Variants in RNF144A observed in about 807,000 individuals in gnomAD.
RNF144A encodes ring finger protein 144A.
A neutral mutation model predicts 38.7 loss-of-function variants in RNF144A; 11 were observed. That is an observed-to-expected ratio of 0.28 (90% CI 0.18 to 0.47). The LOEUF (loss-of-function observed/expected upper bound fraction) is 0.47. RNF144A is among the 20% of genes least tolerant of loss of function. The pLI is 0.99. For synonymous variants in RNF144A, 149 were observed against 143.9 expected, an observed-to-expected ratio of 1.04 and a Z score of -0.25; for missense variants, 316 against 377.2, an observed-to-expected ratio of 0.84 and a Z score of 1.34.
At chr2:7,001,955 G>A (rs189596939) in intron 3 of RNF144A, among the ~76,000 whole-genome samples, 160 of 152,282 alleles carry the variant, frequency 1.1e-3, no homozygotes, top group Admixed American at 2.3e-3. Context: ...CAAATTAAAT[G>A]GGGCAATGGG....
At chr2:7,061,936 G>A (rs1673972361) in intron 6 of RNF144A, among the ~76,000 whole-genome samples, 1 of 152,184 alleles carries the variant, frequency 6.6e-6, no homozygotes, top group Non-Finnish European at 1.5e-5. Context: ...AAGAGATGAT[G>A]TGTGAGTTTG....
chr2:7,009,107 A>G (rs1375569372), intron 3 of RNF144A, among the ~76,000 whole-genome samples: 1 of 152,196 alleles, frequency 6.6e-6, no homozygotes, highest in Non-Finnish European at 1.5e-5. Flanking sequence ...CTCACCCTCC[A>G]CATGGGTGAC....
intron 3 of RNF144A, among the ~76,000 whole-genome samples, chr2:7,013,635 C>T (rs1670955128): frequency 6.6e-6 from 1 of 152,196 alleles, no homozygotes; most frequent in South Asian, 2.1e-4. Context: ...GTGAGCCTAG[C>T]TGGCAAAGGC....
intron 2 of RNF144A, among the ~76,000 whole-genome samples, chr2:6,945,494 C>T (rs1334753213): frequency 3.3e-5 from 5 of 152,162 alleles, no homozygotes; most frequent in Non-Finnish European, 1.5e-5. Flanking sequence ...CTTCTCTGAG[C>T]CTTCCTGGTG....
intron 6 of RNF144A, among the ~76,000 whole-genome samples, chr2:7,055,825 A>G (rs1164554819): frequency 6.6e-6 from 1 of 152,184 alleles, no homozygotes; most frequent in East Asian, 1.9e-4. Context: ...CCACGGAGCA[A>G]AACTAGCACT....
chr2:6,972,091 T>C (rs1668032414), intron 2 of RNF144A, among the ~76,000 whole-genome samples: 1 of 152,076 alleles, frequency 6.6e-6, no homozygotes, highest in African/African-American at 2.4e-5. Context: ...TACAAGTAAC[T>C]TCAAATCAAG....
At chr2:7,038,414 G>T (rs1672819401) in intron 8 of RNF144A, among the ~76,000 whole-genome samples, 1 of 152,188 alleles carries the variant, frequency 6.6e-6, no homozygotes, top group East Asian at 1.9e-4. Flanking sequence ...CTTGTTATCA[G>T]TTGATTAGAT....
intron 1 of RNF144A, chr2:6,918,846 A>C: frequency 6.8e-6 from 1 of 147,604 alleles, no homozygotes; most frequent in East Asian, 2.0e-4. Context: ...GGGGTAACAG[A>C]GGAGTGAGGT....
chr2:6,980,268 A>C (rs1315626709), intron 2 of RNF144A, among the ~76,000 whole-genome samples: 1 of 152,182 alleles, frequency 6.6e-6, no homozygotes. Flanking sequence ...AGCCCCCCAG[A>C]GTCTTAACTC....
At chr2:6,991,905 C>G (rs1010137629) in intron 2 of RNF144A, among the ~76,000 whole-genome samples, 6 of 152,086 alleles carry the variant, frequency 3.9e-5, no homozygotes, top group Non-Finnish European at 8.8e-5. Context: ...AACATAGTTC[C>G]TACCCTTGAA....
rs555710431 is a variant in RNF144A, at chr2:6,962,658, CA to C, written c.-12+21512del. Among the ~76,000 whole-genome samples the C allele has an allele frequency of 8.2e-3, 1,255 of 152,344 alleles. 8 individuals are homozygous for C. The highest frequency in any genetic ancestry group is 0.015 in the Non-Finnish European group (995 of 68,028). Reference sequence around the variant, plus strand: ...TCACCGAAATAAGGAAAACTTCTAACACTTAGACAAGAAAATTAATAAAACA... The same window carrying C: ...TCACCGAAATAAGGAAAACTTCTAACCTTAGACAAGAAAATTAATAAAACA... On this transcript the variant is annotated intron_variant, in intron 2 of 8. Transcript: ENST00000320892. This position sits in a 1 kb window ranked among gnomAD's most constrained non-coding sequence, Gnocchi z 4.1.
chr2:6,922,391 C>T (rs1044574938), intron 1 of RNF144A, among the ~76,000 whole-genome samples: 3 of 152,166 alleles, frequency 2.0e-5, no homozygotes, highest in Non-Finnish European at 4.4e-5. Context: ...ATTGATTGAA[C>T]GGGCTTTTGT....
chr2:7,055,143 T>G (rs1278911068), intron 6 of RNF144A, among the ~76,000 whole-genome samples: 1 of 152,184 alleles, frequency 6.6e-6, no homozygotes, highest in African/African-American at 2.4e-5. Context: ...TTTCTGGCAA[T>G]TTTTTTCTCA....
At chr2:6,989,851 A>G (rs1396115797) in intron 2 of RNF144A, among the ~76,000 whole-genome samples, 1 of 152,088 alleles carries the variant, frequency 6.6e-6, no homozygotes, top group African/African-American at 2.4e-5. Context: ...AATTAGAATC[A>G]TACAGTAGAT....
At chr2:6,983,765 A>T (rs1668786691) in intron 2 of RNF144A, among the ~76,000 whole-genome samples, 1 of 152,116 alleles carries the variant, frequency 6.6e-6, no homozygotes, top group Admixed American at 6.5e-5. Flanking sequence ...TCCCACAGCC[A>T]TGCAAGCAAA....
intron 2 of RNF144A, among the ~76,000 whole-genome samples, chr2:6,950,927 T>C (rs1463508212): frequency 6.6e-6 from 1 of 152,218 alleles, no homozygotes; most frequent in African/African-American, 2.4e-5. Flanking sequence ...TTGTTTCAAG[T>C]GTTAAAAATA....
chr2:6,932,301 C>G (rs189950953), intron 1 of RNF144A, among the ~76,000 whole-genome samples: 197 of 152,190 alleles, frequency 1.3e-3, no homozygotes, highest in Middle Eastern at 3.4e-3. Flanking sequence ...CATGAATCTT[C>G]CTATTTGAAG....
At chr2:7,029,704 A>G (rs569602300) in intron 7 of RNF144A, among the ~76,000 whole-genome samples, 2 of 152,184 alleles carry the variant, frequency 1.3e-5, no homozygotes, top group African/African-American at 4.8e-5. Flanking sequence ...GGGCAGAGGG[A>G]CTCTGGTGGA....
chr2:7,040,149 T>G lies in RNF144A; in HGVS notation c.*389T>G, dbSNP rs1672959550. ...AGAGAAGTCTTTTAAGGACTGCCACTCTCTTCAGACAGAATCTGATTATTC... is the reference window on the plus strand; with the variant it reads ...AGAGAAGTCTTTTAAGGACTGCCACGCTCTTCAGACAGAATCTGATTATTC... On this transcript the variant is annotated 3_prime_UTR_variant, in exon 9 of 9. Transcript: ENST00000320892. 2.0e-6 allele frequency: 2 copies of G among 999,862 alleles called. No individual in the cohort carries two copies. The highest frequency in any genetic ancestry group is 2.4e-6 in the Non-Finnish European group (2 of 839,760). The allele number at this position is 999,862 out of a possible 1,614,324, so 61.9% of individuals were successfully genotyped here.
Sources: allele counts gnomAD v4.1 joint callset (sites outside exome capture counted in the v4.1 genomes callset), GRCh38; gene constraint gnomAD v4.1.1; non-coding constraint Gnocchi (gnomAD v3.1); transcripts MANE v1.5; gene names NCBI Gene and HGNC (gene_info 2026-07-23, HGNC 2026-07-21).